ZCCHC24: variants seen among roughly 807,000 people sequenced by gnomAD.
ZCCHC24 encodes zinc finger CCHC-type containing 24, also known as zinc finger CCHC domain-containing protein 24.
ZCCHC24 carries 10 observed loss-of-function variants against 26.2 expected under a neutral mutation model. The observed-to-expected ratio is 0.38, with a 90% CI of 0.24 to 0.65. ZCCHC24 has a LOEUF of 0.65. ZCCHC24 is among the 30% of genes least tolerant of loss of function. The pLI is 0.54. For synonymous variants in ZCCHC24, 144 were observed against 147.1 expected (o/e 0.98, Z 0.15); for missense variants, 243 against 329.1 (o/e 0.74, Z 2.03).
intron 1 of ZCCHC24, chr10:79,444,013 C>G: frequency 7.0e-7 from 1 of 1,421,900 alleles, no homozygotes; most frequent in South Asian, 1.5e-5. Flanking sequence ...GGGCGACCCT[C>G]TGCCTCCCTC....
intron 2 of ZCCHC24, among the ~76,000 whole-genome samples, chr10:79,404,850 C>T (rs977485696): frequency 2.6e-5 from 4 of 152,206 alleles, no homozygotes; most frequent in Admixed American, 6.5e-5. Flanking sequence ...CACTTACACT[C>T]AAATAAAGAA....
At chr10:79,393,168 C>T (rs1464215033) in intron 3 of ZCCHC24, among the ~76,000 whole-genome samples, 1 of 152,244 alleles carries the variant, frequency 6.6e-6, no homozygotes, top group Non-Finnish European at 1.5e-5. Flanking sequence ...TTCCCTACTA[C>T]GTTTAGGTTG....
rs1197446851 is a variant in ZCCHC24, at chr10:79,445,421, A to G, written c.20T>C (p.Ile7Thr). The G allele has an allele frequency of 1.3e-6, 2 of 1,483,470 alleles. No individual in the cohort carries two copies. The highest frequency in any genetic ancestry group is 2.6e-5 in the South Asian group (2 of 76,948). 91.9% of individuals were successfully genotyped at this position (1,483,470 alleles called of 1,614,324 possible). A position where few individuals can be genotyped will look rare whatever the true frequency, so the allele number is the denominator to read the frequency against. MSLLSA[I>T]DTSAASVYQP... ...GTACACCGAGGCGGCGCTCGTGTCG[A>G]TGGCCGACAGCAGGCTCATTTTGTG... Residue 7 changes from isoleucine to threonine, a missense_variant, in exon 1 of 4, where the codon ATC becomes ACC. Around this residue, in one of 2 missense-constraint regions of ZCCHC24, gnomAD observed 147 missense variants for 150.8 expected, o/e 0.97. Transcript: ENST00000372336.
At chr10:79,444,411 C>A (rs899221015) in intron 1 of ZCCHC24, among the ~76,000 whole-genome samples, 2 of 152,186 alleles carry the variant, frequency 1.3e-5, no homozygotes, top group Non-Finnish European at 2.9e-5. Context: ...ACCAAACAGG[C>A]AGACTTTGCA....
At chr10:79,435,365 C>T (rs1242873253) in intron 1 of ZCCHC24, among the ~76,000 whole-genome samples, 4 of 152,298 alleles carry the variant, frequency 2.6e-5, no homozygotes, top group East Asian at 1.9e-4. Context: ...CCCCATCTTG[C>T]GGCCACAGTC....
At chr10:79,401,641 G>C (rs1856634226) in intron 2 of ZCCHC24, among the ~76,000 whole-genome samples, 1 of 152,220 alleles carries the variant, frequency 6.6e-6, no homozygotes, top group South Asian at 2.1e-4. Context: ...CCCCATCTCT[G>C]GGCCTCAGTT....
intron 2 of ZCCHC24, among the ~76,000 whole-genome samples, chr10:79,397,376 G>A (rs1197022960): frequency 2.0e-5 from 3 of 152,198 alleles, no homozygotes; most frequent in African/African-American, 7.2e-5. Context: ...CAGTCAGTTT[G>A]TAATAGAGGG....
intron 1 of ZCCHC24, among the ~76,000 whole-genome samples, chr10:79,437,682 AGATGAAG>A (rs1857234159): frequency 6.6e-6 from 1 of 152,234 alleles, no homozygotes; most frequent in Non-Finnish European, 1.5e-5. Flanking sequence ...GGCCCTGGCA[AGATGAAG>A]GACCAGTGTC....
intron 2 of ZCCHC24, among the ~76,000 whole-genome samples, chr10:79,430,269 G>A (rs1233317891): frequency 6.6e-6 from 1 of 152,048 alleles, no homozygotes; most frequent in Non-Finnish European, 1.5e-5. Flanking sequence ...ACTCATGAAG[G>A]GAGGAAGAAG....
chr10:79,423,972 C>T (rs112647841), intron 2 of ZCCHC24, among the ~76,000 whole-genome samples: 3,769 of 147,694 alleles, frequency 0.026, 165 homozygotes, highest in African/African-American at 0.088. Context: ...GAGCTGAGAT[C>T]GCGCCACTGC....
chr10:79,401,421 G>T (rs997259471), intron 2 of ZCCHC24, among the ~76,000 whole-genome samples: 1 of 152,240 alleles, frequency 6.6e-6, no homozygotes, highest in Admixed American at 6.5e-5. Context: ...GAACGCTGAC[G>T]CATGTAGAGG....
At chr10:79,403,488 G>A (rs1156649656) in intron 2 of ZCCHC24, 1 of 985,362 alleles carries the variant, frequency 1.0e-6, no homozygotes, top group African/African-American at 1.7e-5. Flanking sequence ...GGTCTGGGCA[G>A]CTGCAGGCTC....
intron 2 of ZCCHC24, among the ~76,000 whole-genome samples, chr10:79,423,595 A>ATATATATATATATTT (rs1856983528): frequency 1.4e-4 from 8 of 55,526 alleles, no homozygotes; most frequent in Non-Finnish European, 2.6e-4. Context: ...ATATATATAT[A>ATATATATATATATTT]TATATATATA....
At position 79,392,415 on chromosome 10, in the gene ZCCHC24, T is replaced by C. The variant is rs138027262; in HGVS notation, c.612+1861A>G. Among the ~76,000 whole-genome samples, 610 of 152,310 alleles carry C rather than the reference T, an allele frequency of 4.0e-3. 1 individual carries two copies. The highest frequency in any genetic ancestry group is 0.023 in the South Asian group (113 of 4,828). ...CCATTCACTGAGAAAACAGAAGCCT[T>C]GGATGTGAGGTTCTTCTTTGCACCA... On this transcript the variant is annotated intron_variant, in intron 3 of 3. Coordinates refer to ENST00000372336, the MANE Select transcript of ZCCHC24 (RefSeq NM_153367.4).
At chr10:79,417,595 G>A (rs1478029936) in intron 2 of ZCCHC24, among the ~76,000 whole-genome samples, 1 of 152,222 alleles carries the variant, frequency 6.6e-6, no homozygotes, top group African/African-American at 2.4e-5. Flanking sequence ...GGCAAGTTAT[G>A]TAATCTGTTA....
intron 2 of ZCCHC24, among the ~76,000 whole-genome samples, chr10:79,395,214 G>GTT (rs35926281): frequency 0.024 from 3,630 of 150,848 alleles, 85 homozygotes; most frequent in East Asian, 0.083. Context: ...CCTGGCTACT[G>GTT]TTTTTTTTTA....
intron 1 of ZCCHC24, among the ~76,000 whole-genome samples, chr10:79,442,651 C>T (rs1208747517): frequency 6.6e-6 from 1 of 152,232 alleles, no homozygotes; most frequent in Non-Finnish European, 1.5e-5. Flanking sequence ...AATGGTGATG[C>T]TCCTGGGCCC....
In ZCCHC24 at chr10:79,419,164, C is replaced by A. The variant is rs1015250629; in HGVS notation, c.447+13394G>T. ...TCCGGGCTGCTTCTCATCTCCCTCA[C>A]ACCAACCCTCCCATCAGGTACATGA... On this transcript the variant is annotated intron_variant, in intron 2 of 3. Transcript: ENST00000372336. Among the ~76,000 whole-genome samples, 6 of 152,330 alleles carry A rather than the reference C, an allele frequency of 3.9e-5. No individual in the cohort carries two copies. In the South Asian group the frequency reaches 1.2e-3, roughly 32 times the overall value.
intron 1 of ZCCHC24, among the ~76,000 whole-genome samples, chr10:79,441,030 G>A (rs943676348): frequency 2.0e-5 from 3 of 150,982 alleles, no homozygotes; most frequent in Non-Finnish European, 4.4e-5. Flanking sequence ...CCCGAACTCT[G>A]GGCTGGGATA....
Sources: gnomAD v4.1 joint callset for allele counts (sites outside exome capture counted in the v4.1 genomes callset) on GRCh38, gnomAD v4.1.1 for gene constraint, gnomAD v4.1.1 regional missense constraint, MANE v1.5 for transcripts, NCBI Gene and HGNC (gene_info 2026-07-23, HGNC 2026-07-21) for gene names.